AGBL1: variants seen among roughly 807,000 people sequenced by gnomAD.
The protein encoded by AGBL1 is cytosolic carboxypeptidase 4.
A neutral mutation model predicts 118.9 loss-of-function variants in AGBL1; 130 were observed. That is an observed-to-expected ratio of 1.09 (90% CI 0.95 to 1.26). AGBL1 has a LOEUF of 1.26. Ranked by LOEUF, AGBL1 falls within the 50% of genes most tolerant of loss-of-function variation. The pLI, the probability that AGBL1 is intolerant of heterozygous loss-of-function variation, is 0.00. For missense variants in AGBL1, 1,584 were observed against 1,298.1 expected, an observed-to-expected ratio of 1.22 and a Z score of -3.38; for synonymous variants, 555 against 478.9, an observed-to-expected ratio of 1.16 and a Z score of -2.08.
intron 22 of AGBL1, among the ~76,000 whole-genome samples, chr15:86,704,290 A>G (rs2086410120): frequency 6.6e-6 from 1 of 152,230 alleles, no homozygotes; most frequent in Admixed American, 6.5e-5. Flanking sequence ...GGCAAATGGC[A>G]TCTAATTAAA....
At position 86,644,154 on chromosome 15, in the gene AGBL1, CTACTT is replaced by C. The variant is rs139733489; in HGVS notation, c.2995-30116_2995-30112del. On this transcript the variant is annotated intron_variant, in intron 21 of 22. Coordinates refer to ENST00000614907, the MANE Select transcript of AGBL1 (RefSeq NM_001386094.1). The stretch of plus-strand genomic sequence containing the variant: ...TCATCACTATTTCTATACATTTTGA[CTACTT>C]TATTATATTGTGAAAGTAGGGAATT... Among the ~76,000 whole-genome samples the C allele has an allele frequency of 7.2e-3, 1,098 of 152,276 alleles. 8 individuals carry two copies. The highest frequency in any genetic ancestry group is 0.013 in the Non-Finnish European group (860 of 68,018).
intron 17 of AGBL1, among the ~76,000 whole-genome samples, chr15:86,358,093 T>TTAAC (rs2141914914): frequency 1.3e-5 from 2 of 152,254 alleles, no homozygotes; most frequent in South Asian, 4.1e-4. Context: ...CTCAGTATTA[T>TTAAC]TAACTATGGT....
intron 22 of AGBL1, among the ~76,000 whole-genome samples, chr15:86,722,664 A>G (rs1428501192): frequency 3.9e-5 from 6 of 152,254 alleles, no homozygotes; most frequent in African/African-American, 1.4e-4. Context: ...AATGGGATCT[A>G]ATTAAACTAA....
intron 23 of AGBL1, among the ~76,000 whole-genome samples, chr15:86,981,794 G>A (rs1041003796): frequency 3.9e-5 from 6 of 152,030 alleles, no homozygotes; most frequent in Non-Finnish European, 7.4e-5. Context: ...GACAAAACAG[G>A]AAAACAGGAT....
At chr15:87,022,885 A>C (rs957352867) in intron 24 of AGBL1, among the ~76,000 whole-genome samples, 7 of 152,048 alleles carry the variant, frequency 4.6e-5, no homozygotes, top group African/African-American at 1.7e-4. Context: ...GGAAAGATAC[A>C]GTCTTTTTCA....
Position 86,262,897 on chromosome 15 carries a change from A to T in AGBL1, c.1086+3A>T. The T allele has an allele frequency of 6.3e-7, 1 of 1,591,158 alleles. No individual in the cohort carries two copies. Among genetic ancestry groups the T allele is most frequent in the Non-Finnish European group, 8.6e-7 (1 of 1,165,244 alleles). ...TTGAGCTCTCCTATAGCTTTGAGGT[A>T]GGACATATGCTGTGGTTCTGATCTT... On this transcript the variant is annotated splice_donor_region_variant and intron_variant, in intron 10 of 22. Transcript: ENST00000614907.
intron 22 of AGBL1, among the ~76,000 whole-genome samples, chr15:86,817,822 T>C (rs2078887149): frequency 1.3e-5 from 2 of 152,164 alleles, no homozygotes; most frequent in Admixed American, 1.3e-4. Context: ...CTCAAGATCT[T>C]AGTTAAGATG....
chr15:86,493,013 G>C (rs1434148210), intron 18 of AGBL1, among the ~76,000 whole-genome samples: 2 of 152,116 alleles, frequency 1.3e-5, no homozygotes, highest in Non-Finnish European at 2.9e-5. Context: ...GGCCAACATG[G>C]CGAAACCTCA....
At chr15:86,943,484 G>C (rs543357832) in intron 23 of AGBL1, among the ~76,000 whole-genome samples, 9 of 152,334 alleles carry the variant, frequency 5.9e-5, no homozygotes, top group Non-Finnish European at 8.8e-5. Flanking sequence ...GGGTTTTACA[G>C]ACGACCTTGA....
chr15:86,851,286 G>C (rs1231918453), intron 22 of AGBL1, among the ~76,000 whole-genome samples: 1 of 152,146 alleles, frequency 6.6e-6, no homozygotes, highest in Non-Finnish European at 1.5e-5. Context: ...TAAATCTCTA[G>C]GATTTGGGGC....
chr15:86,516,916 T>C (rs1224181096), intron 18 of AGBL1, among the ~76,000 whole-genome samples: 1 of 152,224 alleles, frequency 6.6e-6, no homozygotes, highest in Admixed American at 6.5e-5. Flanking sequence ...TGGTCTGAGC[T>C]GATTTCAGCT....
At chr15:87,016,820 C>G (rs927446334) in intron 24 of AGBL1, among the ~76,000 whole-genome samples, 3 of 152,238 alleles carry the variant, frequency 2.0e-5, no homozygotes, top group African/African-American at 7.2e-5. Flanking sequence ...TCCCACAGAT[C>G]TTTGCAACCA....
intron 21 of AGBL1, among the ~76,000 whole-genome samples, chr15:86,663,995 T>A (rs1471583493): frequency 6.6e-6 from 1 of 152,260 alleles, no homozygotes; most frequent in East Asian, 1.9e-4. Flanking sequence ...TGGTCATTCA[T>A]GGTGTAGGGA....
At chr15:86,338,791 G>C (rs953123575) in intron 17 of AGBL1, among the ~76,000 whole-genome samples, 1 of 152,124 alleles carries the variant, frequency 6.6e-6, no homozygotes, top group Non-Finnish European at 1.5e-5. Context: ...CGTAAAGCTA[G>C]AGCTTCCTGG....
chr15:86,150,186 T>C (rs888090926), intron 3 of AGBL1, among the ~76,000 whole-genome samples: 4 of 152,120 alleles, frequency 2.6e-5, no homozygotes, highest in Non-Finnish European at 4.4e-5. Context: ...GAAAGATCTA[T>C]AATCAACACC....
intron 17 of AGBL1, among the ~76,000 whole-genome samples, chr15:86,324,392 G>A (rs574849693): frequency 6.6e-6 from 1 of 152,296 alleles, no homozygotes; most frequent in East Asian, 1.9e-4. Context: ...TTCCCATTAT[G>A]GTGGAGTAGA....
intron 18 of AGBL1, among the ~76,000 whole-genome samples, chr15:86,465,795 G>A (rs547865855): frequency 8.5e-4 from 130 of 152,308 alleles, no homozygotes; most frequent in African/African-American, 3.0e-3. Flanking sequence ...ATGACAATGT[G>A]TGCCCAGTGG....
At chr15:86,101,638 T>G (rs1297589201) in intron 1 of AGBL1, among the ~76,000 whole-genome samples, 2 of 152,072 alleles carry the variant, frequency 1.3e-5, no homozygotes, top group African/African-American at 2.4e-5. Flanking sequence ...TGTCTTTTTT[T>G]TTTTTTTTAG....
intron 17 of AGBL1, among the ~76,000 whole-genome samples, chr15:86,392,618 G>A (rs2081305042): frequency 6.6e-6 from 1 of 152,166 alleles, no homozygotes; most frequent in South Asian, 2.1e-4. Flanking sequence ...GGGTACACAT[G>A]TTTATCATCA....
Sources: gnomAD v4.1 joint callset for allele counts (sites outside exome capture counted in the v4.1 genomes callset) on GRCh38, gnomAD v4.1.1 for gene constraint, MANE v1.5 for transcripts, NCBI Gene and HGNC (gene_info 2026-07-23, HGNC 2026-07-21) for gene names.